LRRC8B: variants seen among roughly 807,000 people sequenced by gnomAD.
LRRC8B encodes leucine rich repeat containing 8 VRAC subunit B, also known as volume-regulated anion channel subunit LRRC8B.
A neutral mutation model predicts 58.8 loss-of-function variants in LRRC8B; 23 were observed. The ratio of observed to expected loss-of-function variants is 0.39; its 90% confidence interval spans 0.28 to 0.55. LRRC8B has a LOEUF of 0.55. Ranked by LOEUF, LRRC8B falls within the 20% of genes least tolerant of loss-of-function variation. The probability of loss-of-function intolerance (pLI) is 0.62; values close to 1 mark genes in which losing one functional copy is unlikely to be tolerated. For synonymous variants in LRRC8B, 359 were observed against 374.1 expected, an observed-to-expected ratio of 0.96 and a Z score of 0.47; for missense variants, 694 against 936.0, an observed-to-expected ratio of 0.74 and a Z score of 3.37.
intron 1 of LRRC8B, among the ~76,000 whole-genome samples, chr1:89,528,341 C>T (rs369943287): frequency 2.0e-5 from 3 of 151,250 alleles, no homozygotes; most frequent in African/African-American, 7.2e-5. Flanking sequence ...GTAGCATATT[C>T]CTTTTGATTT....
intron 3 of LRRC8B, among the ~76,000 whole-genome samples, chr1:89,577,435 G>A (rs191730007): frequency 9.2e-5 from 14 of 152,260 alleles, no homozygotes; most frequent in Non-Finnish European, 1.5e-4. Flanking sequence ...GATTAGAACC[G>A]TAAAATCCAT....
intron 3 of LRRC8B, among the ~76,000 whole-genome samples, chr1:89,574,306 A>G (rs1483345685): frequency 6.6e-6 from 1 of 152,280 alleles, no homozygotes; most frequent in Non-Finnish European, 1.5e-5. Flanking sequence ...CAGAATAAAG[A>G]ATCAAAACAA....
At position 89,583,736 on chromosome 1, in the gene LRRC8B, C is replaced by T; in HGVS notation, c.1086C>T (p.Val362=). 1 of 1,614,154 alleles carries T rather than the reference C, an allele frequency of 6.2e-7. No individual in the cohort carries two copies. The highest frequency in any genetic ancestry group is 8.5e-7 in the Non-Finnish European group (1 of 1,180,030). The part of the protein sequence containing the change: ...EKSNYSDIPD[V]KNDFAFILHL... The stretch of plus-strand genomic sequence containing the variant: ...GCAACTACAGTGACATCCCTGATGT[C>T]AAGAATGACTTTGCCTTCATCCTTC... Residue 362 remains valine, a synonymous_variant, in exon 5 of 6, where the codon GTC becomes GTT. Coordinates refer to ENST00000330947, the MANE Select transcript of LRRC8B (RefSeq NM_001369817.2). The surrounding 1 kb of genome is among the most constrained non-coding windows in gnomAD (Gnocchi z 5.2).
Position 89,593,956 on chromosome 1 carries a change from G to T in LRRC8B, c.*913G>T, listed in dbSNP as rs953039530. 1.3e-5 allele frequency: 2 copies of T among 152,156 alleles called. No individual in the cohort carries two copies. The highest frequency in any genetic ancestry group is 2.9e-5 in the Non-Finnish European group (2 of 68,020). 9.4% of individuals were successfully genotyped at this position (152,156 alleles called of 1,614,324 possible). ...CACCAATGATGAACCCTGAGAAAATGCCTGCATTTGGCCTTTGCCTAGAAC... is the reference window on the plus strand; with the variant it reads ...CACCAATGATGAACCCTGAGAAAATTCCTGCATTTGGCCTTTGCCTAGAAC... On this transcript the variant is annotated 3_prime_UTR_variant, in exon 6 of 6. Coordinates refer to ENST00000330947, the MANE Select transcript of LRRC8B (RefSeq NM_001369817.2).
chr1:89,570,406 C>T (rs1449559701), intron 3 of LRRC8B, among the ~76,000 whole-genome samples: 2 of 152,088 alleles, frequency 1.3e-5, no homozygotes, highest in African/African-American at 2.4e-5. Context: ...TTAATAGTAT[C>T]CTTTCTGGCT....
chr1:89,579,757 A>T (rs1654091562), intron 4 of LRRC8B, 69 bp downstream of exon 4: 1 of 152,490 alleles, frequency 6.6e-6, no homozygotes, highest in African/African-American at 2.4e-5. Context: ...ATAAATATTC[A>T]CTCTGTCAAA....
At position 89,592,756 on chromosome 1, in the gene LRRC8B, T is replaced by C. The variant is rs1167169100; in HGVS notation, c.2140-15T>C. 1 of 1,610,322 alleles carries C rather than the reference T, an allele frequency of 6.2e-7. No individual in the cohort carries two copies. The highest frequency in any genetic ancestry group is 1.7e-5 in the Admixed American group (1 of 59,410). On this transcript the variant is annotated splice_polypyrimidine_tract_variant and intron_variant, in intron 5 of 5. Transcript: ENST00000330947. ...AAAACCTATTTTACCAGCTTCTTTT[T>C]TCTTCCCTTTCCAGATTGAGATGCT...
intron 5 of LRRC8B, among the ~76,000 whole-genome samples, chr1:89,587,555 C>T (rs116449157): frequency 0.021 from 3,149 of 152,148 alleles, 105 homozygotes; most frequent in African/African-American, 0.072. Context: ...TAAGAAAATA[C>T]CACATTGGCT....
chr1:89,553,740 TCTA>T (rs952481293), intron 1 of LRRC8B, among the ~76,000 whole-genome samples: 1 of 152,218 alleles, frequency 6.6e-6, no homozygotes, highest in Non-Finnish European at 1.5e-5. Context: ...TAACTATTTT[TCTA>T]CTCAGAATTT....
intron 1 of LRRC8B, among the ~76,000 whole-genome samples, chr1:89,533,303 T>C (rs900479881): frequency 6.6e-6 from 1 of 152,242 alleles, no homozygotes; most frequent in African/African-American, 2.4e-5. Flanking sequence ...TTTGTCTGGC[T>C]TCTGCAGCTC....
rs1655321921 is a variant in LRRC8B, at chr1:89,596,641, A to T, written c.*3598A>T. The stretch of plus-strand genomic sequence containing the variant: ...TTTCTTTTCATCTTTCCATCTTCAC[A>T]TTCTCTTAGCATCATCCTATGCACA... On this transcript the variant is annotated 3_prime_UTR_variant, in exon 6 of 6. Transcript: ENST00000330947. 1 of 152,116 alleles carries T rather than the reference A, an allele frequency of 6.6e-6. No homozygotes were observed. Among genetic ancestry groups the T allele is most frequent in the South Asian group, 2.1e-4 (1 of 4,830 alleles). The allele number at this position is 152,116 out of a possible 1,614,324, so 9.4% of individuals were successfully genotyped here. A position where few individuals can be genotyped will look rare whatever the true frequency, so the allele number is the denominator to read the frequency against.
intron 1 of LRRC8B, among the ~76,000 whole-genome samples, chr1:89,534,048 A>G (rs1650340483): frequency 6.6e-6 from 1 of 152,218 alleles, no homozygotes; most frequent in South Asian, 2.1e-4. Flanking sequence ...TACTTCAATG[A>G]AATAATCCTG....
At chr1:89,537,319 C>CA (rs951375488) in intron 1 of LRRC8B, among the ~76,000 whole-genome samples, 2 of 152,108 alleles carry the variant, frequency 1.3e-5, no homozygotes, top group Admixed American at 6.6e-5. Flanking sequence ...TTTGTGTATG[C>CA]ATTGCTATGG....
chr1:89,570,642 T>C (rs1181605975), intron 3 of LRRC8B, among the ~76,000 whole-genome samples: 2 of 152,092 alleles, frequency 1.3e-5, no homozygotes, highest in African/African-American at 4.8e-5. Context: ...GTTTGCAAAA[T>C]TTTTTTCGCA....
chr1:89,579,384 C>T (rs1329268504), intron 3 of LRRC8B, among the ~76,000 whole-genome samples: 1 of 152,066 alleles, frequency 6.6e-6, no homozygotes, highest in Non-Finnish European at 1.5e-5. Context: ...GTAAACTGAC[C>T]TATGAAAATC....
chr1:89,581,288 A>G (rs983600486), intron 4 of LRRC8B, among the ~76,000 whole-genome samples: 19 of 151,548 alleles, frequency 1.3e-4, no homozygotes, highest in African/African-American at 4.4e-4. Context: ...AAAAAAAAAA[A>G]AAAAAAAAAG....
chr1:89,538,717 TTTTGTTTG>T (rs56350075), intron 1 of LRRC8B, among the ~76,000 whole-genome samples: 9 of 151,806 alleles, frequency 5.9e-5, no homozygotes, highest in African/African-American at 2.2e-4. Context: ...CGAGGTTTTT[TTTTGTTTG>T]TTTGTTTGTT....
At chr1:89,566,833 G>A (rs775369800) in intron 1 of LRRC8B, among the ~76,000 whole-genome samples, 13 of 152,298 alleles carry the variant, frequency 8.5e-5, no homozygotes, top group South Asian at 2.1e-4. Context: ...CTTGGGAGCC[G>A]TTCCTTATAT....
At chr1:89,572,030 T>G (rs1442590123) in intron 3 of LRRC8B, among the ~76,000 whole-genome samples, 1 of 152,150 alleles carries the variant, frequency 6.6e-6, no homozygotes, top group Non-Finnish European at 1.5e-5. Context: ...CTATTTTTGA[T>G]TGGGAGTCTA....
Sources: allele counts gnomAD v4.1 joint callset (sites outside exome capture counted in the v4.1 genomes callset), GRCh38; gene constraint gnomAD v4.1.1; non-coding constraint Gnocchi (gnomAD v3.1); transcripts MANE v1.5; gene names NCBI Gene and HGNC (gene_info 2026-07-23, HGNC 2026-07-21).